NFIB: variants seen among roughly 807,000 people sequenced by gnomAD.
NFIB encodes the protein nuclear factor 1 B-type.
Under a neutral mutation model 61.5 loss-of-function variants are expected in NFIB, and 11 were observed. That is an observed-to-expected ratio of 0.18 (90% CI 0.11 to 0.30). The LOEUF (loss-of-function observed/expected upper bound fraction) is 0.30, where lower values mean the gene tolerates loss of function less well. NFIB is among the 10% of genes least tolerant of loss of function. NFIB has a pLI of 1.00. For missense variants in NFIB, 471 were observed against 608.9 expected (o/e 0.77, Z 2.38); for synonymous variants, 260 against 216.5 (o/e 1.20, Z -1.76).
intron 2 of NFIB, among the ~76,000 whole-genome samples, chr9:14,228,014 T>C (rs1445267311): frequency 2.0e-5 from 3 of 152,210 alleles, no homozygotes; most frequent in African/African-American, 4.8e-5. Context: ...ATAATTCATT[T>C]ACTCTTCCTT....
rs1055066823 is a variant in NFIB, at chr9:14,087,471, T to C, written c.*838A>G. ...AGTGTTTCTTTTGTGGGGAAAATAT[T>C]ATATTAATTTTTACTGTTGCATGCA... is the stretch of plus-strand genomic sequence containing the variant. On this transcript the variant is annotated 3_prime_UTR_variant, in exon 11 of 11. Transcript: ENST00000380953. 5 of 223,062 alleles carry C rather than the reference T, an allele frequency of 2.2e-5. No homozygotes were observed. The highest frequency in any genetic ancestry group is 1.1e-4 in the African/African-American group (5 of 44,712). The allele number at this position is 223,062 out of a possible 1,614,324, so 13.8% of individuals were successfully genotyped here.
rs1481924931 is a variant in NFIB, at chr9:14,311,290, T to G, written c.30+2192A>C. Among the ~76,000 whole-genome samples, 3 of 152,262 alleles carry G rather than the reference T, an allele frequency of 2.0e-5. No homozygotes were observed. In the East Asian group the frequency reaches 5.8e-4, roughly 29 times the overall value. On this transcript the variant is annotated intron_variant, in intron 1 of 10. Transcript: ENST00000380953. Reference sequence around the variant, plus strand: ...TAACCAATTAAGAATGATACTCTATTTTGCAATTTACATGTCCTGAGACAT... The same window carrying G: ...TAACCAATTAAGAATGATACTCTATGTTGCAATTTACATGTCCTGAGACAT...
intron 1 of NFIB, among the ~76,000 whole-genome samples, chr9:14,388,637 T>G (rs554355987): frequency 6.6e-6 from 1 of 151,952 alleles, no homozygotes; most frequent in Non-Finnish European, 1.5e-5. Context: ...CATATAAAAA[T>G]TATGAATGGG....
At chr9:14,239,137 G>C (rs1308495078) in intron 2 of NFIB, among the ~76,000 whole-genome samples, 1 of 152,178 alleles carries the variant, frequency 6.6e-6, no homozygotes, top group African/African-American at 2.4e-5. Flanking sequence ...TTGTCCTAAA[G>C]AACAAATTGA....
At chr9:14,212,868 G>A (rs913402473) in intron 2 of NFIB, among the ~76,000 whole-genome samples, 1 of 152,122 alleles carries the variant, frequency 6.6e-6, no homozygotes, top group Non-Finnish European at 1.5e-5. Context: ...GGAAATTGAG[G>A]CTCACAGAGA....
the NFIB span, among the ~76,000 whole-genome samples, chr9:14,427,941 T>TTTTTTTTTTTTTTTG: frequency 3.9e-5 from 3 of 76,728 alleles, no homozygotes; most frequent in African/African-American, 1.4e-4. Flanking sequence ...TCAGTTGTTT[T>TTTTTTTTTTTTTTTG]TTTTTTTTTT....
intron 1 of NFIB, among the ~76,000 whole-genome samples, chr9:14,323,627 A>C (rs1284772908): frequency 6.6e-6 from 1 of 152,196 alleles, no homozygotes; most frequent in African/African-American, 2.4e-5. Context: ...CTGTTGAATT[A>C]TGTGATTACC....
chr9:14,529,540 T>C, the NFIB span, among the ~76,000 whole-genome samples: 1 of 152,202 alleles, frequency 6.6e-6, no homozygotes, highest in East Asian at 1.9e-4. Flanking sequence ...AGGGGAACCA[T>C]GTAAAAGTAA....
Position 14,307,612 on chromosome 9 carries a change from C to T in NFIB, c.31-92G>A. ...AAGAAAAGAAGACCACAACCCGTTT[C>T]CAATTCAGTACAAAAAGTTATACAT... On this transcript the variant is annotated intron_variant, in intron 1 of 10. Transcript: ENST00000380953. The surrounding 1 kb of genome is among the most constrained non-coding windows in gnomAD (Gnocchi z 5.3). The T allele has an allele frequency of 8.2e-7, 1 of 1,213,410 alleles. No homozygotes were observed. The highest frequency in any genetic ancestry group is 1.1e-6 in the Non-Finnish European group (1 of 897,254). The allele number at this position is 1,213,410 out of a possible 1,614,324, so 75.2% of individuals were successfully genotyped here.
At chr9:14,387,388 A>C (rs141661074) in intron 1 of NFIB, among the ~76,000 whole-genome samples, 257 of 152,344 alleles carry the variant, frequency 1.7e-3, no homozygotes, top group Non-Finnish European at 2.9e-3. Flanking sequence ...TAAAAATTAA[A>C]AGCTTTTGAG....
chr9:14,427,545 T>C, the NFIB span, among the ~76,000 whole-genome samples: 1 of 152,130 alleles, frequency 6.6e-6, no homozygotes, highest in African/African-American at 2.4e-5. Flanking sequence ...TGGACTACAC[T>C]CCACTATGCT....
At chr9:14,461,530 A>G in the NFIB span, among the ~76,000 whole-genome samples, 9 of 152,172 alleles carry the variant, frequency 5.9e-5, no homozygotes, top group Non-Finnish European at 1.3e-4. Flanking sequence ...ACTACTTGCA[A>G]AAATGTGTTG....
upstream of NFIB, among the ~76,000 whole-genome samples, chr9:14,315,538 C>G (rs957665175): frequency 6.1e-4 from 87 of 142,536 alleles, no homozygotes; most frequent in Admixed American, 1.4e-3. Flanking sequence ...GCGCCCGGGG[C>G]TGCGGGGCGG....
chr9:14,369,678 C>G (rs2061337601), intron 1 of NFIB, among the ~76,000 whole-genome samples: 1 of 152,188 alleles, frequency 6.6e-6, no homozygotes, highest in Non-Finnish European at 1.5e-5. Flanking sequence ...CCAACTTCTA[C>G]TCCTTCTTTT....
At chr9:14,144,059 T>C (rs566460888) in intron 6 of NFIB, among the ~76,000 whole-genome samples, 1 of 144,968 alleles carries the variant, frequency 6.9e-6, no homozygotes, top group African/African-American at 2.5e-5. Context: ...GAGAATGGAA[T>C]ATTCTTCCTT....
the NFIB span, among the ~76,000 whole-genome samples, chr9:14,407,990 A>T: frequency 4.6e-5 from 7 of 152,302 alleles, no homozygotes; most frequent in South Asian, 8.3e-4. Flanking sequence ...CCAGCCCAAC[A>T]AAAAAATTTT....
intron 2 of NFIB, among the ~76,000 whole-genome samples, chr9:14,206,571 T>G (rs2049748558): frequency 6.6e-6 from 1 of 151,868 alleles, no homozygotes; most frequent in African/African-American, 2.4e-5. Context: ...AGTTTCCAAA[T>G]ACTAAAACAA....
At chr9:14,290,140 A>G in intron 2 of NFIB, among the ~76,000 whole-genome samples, 1 of 152,092 alleles carries the variant, frequency 6.6e-6, no homozygotes, top group East Asian at 1.9e-4. Flanking sequence ...TACTCTAGGG[A>G]AGGTTATTTC....
intron 10 of NFIB, among the ~76,000 whole-genome samples, chr9:14,105,142 T>C (rs2036369245): frequency 6.6e-6 from 1 of 152,198 alleles, no homozygotes; most frequent in African/African-American, 2.4e-5. Flanking sequence ...TCTTTGACCA[T>C]ATGCTGCACA....
Sources: gnomAD v4.1 joint callset for allele counts (sites outside exome capture counted in the v4.1 genomes callset) on GRCh38, gnomAD v4.1.1 for gene constraint, Gnocchi (gnomAD v3.1) non-coding constraint, MANE v1.5 for transcripts, NCBI Gene and HGNC (gene_info 2026-07-23, HGNC 2026-07-21) for gene names.